The following ADAMTSL3 variants were observed in gnomAD, a reference collection of about 807,000 sequenced individuals.
ADAMTSL3 encodes the protein ADAMTS like 3.
A neutral mutation model predicts 201.7 loss-of-function variants in ADAMTSL3; 128 were observed. That is an observed-to-expected ratio of 0.63 (90% CI 0.55 to 0.73). ADAMTSL3 has a LOEUF of 0.73. Ranked by LOEUF, ADAMTSL3 falls within the 30% of genes least tolerant of loss-of-function variation. The pLI is 0.00. For missense variants in ADAMTSL3, 1,990 were observed against 2,119.6 expected, an observed-to-expected ratio of 0.94 and a Z score of 1.20; for synonymous variants, 738 against 748.4, an observed-to-expected ratio of 0.99 and a Z score of 0.23.
rs546765322 is a variant in ADAMTSL3, at chr15:83,965,855, A to T, written c.2491-4629A>T. Among the ~76,000 whole-genome samples, 8 of 152,356 alleles carry T rather than the reference A, an allele frequency of 5.3e-5. No individual in the cohort carries two copies. In the East Asian group the frequency reaches 1.5e-3, roughly 29 times the overall value. On this transcript the variant is annotated intron_variant, in intron 19 of 29. Coordinates refer to ENST00000286744, the MANE Select transcript of ADAMTSL3 (RefSeq NM_207517.3). Reference sequence around the variant, plus strand: ...AGTCTCTCAGACCACAGTGCAGTCAAATTAGAACTCACGATTAAGACACTC... The same window carrying T: ...AGTCTCTCAGACCACAGTGCAGTCATATTAGAACTCACGATTAAGACACTC...
At chr15:83,714,791 T>TTCTTTCTTTCTTTCTTTCTC (rs1555433213) in intron 3 of ADAMTSL3, among the ~76,000 whole-genome samples, 2 of 78,794 alleles carry the variant, frequency 2.5e-5, no homozygotes, top group African/African-American at 1.0e-4. Flanking sequence ...TTCTTTTTCT[T>TTCTTTCTTTCTTTCTTTCTC]TCTCTCTCTT....
intron 6 of ADAMTSL3, among the ~76,000 whole-genome samples, chr15:83,825,851 T>C (rs935582668): frequency 1.3e-5 from 2 of 151,956 alleles, no homozygotes; most frequent in African/African-American, 4.8e-5. Flanking sequence ...CATGGAATAG[T>C]GCTAGGAGAT....
At chr15:83,786,895 G>A (rs1312286390) in intron 4 of ADAMTSL3, among the ~76,000 whole-genome samples, 1 of 152,078 alleles carries the variant, frequency 6.6e-6, no homozygotes, top group Admixed American at 6.5e-5. Context: ...TGGCAAATTA[G>A]GACCTGTTTT....
At chr15:84,030,749 G>A (rs1475694142) in intron 27 of ADAMTSL3, among the ~76,000 whole-genome samples, 2 of 152,124 alleles carry the variant, frequency 1.3e-5, no homozygotes, top group Non-Finnish European at 2.9e-5. Context: ...ATATGGTTAG[G>A]CTTTTTGTCC....
intron 2 of ADAMTSL3, among the ~76,000 whole-genome samples, chr15:83,668,300 C>CTT (rs34123860): frequency 2.6e-5 from 4 of 151,386 alleles, no homozygotes; most frequent in South Asian, 4.2e-4. Context: ...TTTTCTCACT[C>CTT]TTTTTTTTCA....
chr15:83,784,216 T>A (rs749177562), intron 4 of ADAMTSL3, among the ~76,000 whole-genome samples: 2 of 152,162 alleles, frequency 1.3e-5, no homozygotes, highest in South Asian at 4.1e-4. Flanking sequence ...GGGACCCTCA[T>A]TGAGTGAGAC....
At chr15:83,696,343 G>A (rs544832599) in intron 2 of ADAMTSL3, among the ~76,000 whole-genome samples, 3 of 152,324 alleles carry the variant, frequency 2.0e-5, no homozygotes, top group South Asian at 4.1e-4. Context: ...GCTTCCCTAA[G>A]TGCTGGGATT....
intron 21 of ADAMTSL3, among the ~76,000 whole-genome samples, chr15:83,988,197 ACTT>A (rs2067516097): frequency 6.6e-6 from 1 of 152,140 alleles, no homozygotes; most frequent in Non-Finnish European, 1.5e-5. Flanking sequence ...ACCTCAATCG[ACTT>A]CTTCATACAG....
chr15:83,802,354 C>G (rs1731052515), intron 4 of ADAMTSL3, among the ~76,000 whole-genome samples: 1 of 152,052 alleles, frequency 6.6e-6, no homozygotes, highest in African/African-American at 2.4e-5. Flanking sequence ...AATCCCACTT[C>G]TAGGTATTTA....
At chr15:83,851,517 G>A (rs2064612855) in intron 7 of ADAMTSL3, among the ~76,000 whole-genome samples, 1 of 152,148 alleles carries the variant, frequency 6.6e-6, no homozygotes, top group Non-Finnish European at 1.5e-5. Flanking sequence ...TTTTGCAAGA[G>A]AGCCCAACCA....
At chr15:83,857,078 G>T (rs76561877) in intron 7 of ADAMTSL3, among the ~76,000 whole-genome samples, 2 of 152,022 alleles carry the variant, frequency 1.3e-5, no homozygotes, top group Non-Finnish European at 2.9e-5. Context: ...AATAATTATT[G>T]ATACTGAGCA....
chr15:83,660,255 A>G (rs1219673358), intron 2 of ADAMTSL3, among the ~76,000 whole-genome samples: 1 of 152,154 alleles, frequency 6.6e-6, no homozygotes, highest in Admixed American at 6.5e-5. Context: ...TTCTACAGCA[A>G]TCTCACACTC....
chr15:84,030,646 A>G (rs2068390599), intron 27 of ADAMTSL3, among the ~76,000 whole-genome samples: 1 of 152,182 alleles, frequency 6.6e-6, no homozygotes, highest in South Asian at 2.1e-4. Flanking sequence ...TAATGCTGGA[A>G]TGAATTAAGA....
In ADAMTSL3 at chr15:83,982,553, C is replaced by T. The variant is rs746562941; in HGVS notation, c.2925C>T (p.Pro975=). The T allele has an allele frequency of 1.5e-5, 24 of 1,614,176 alleles. No individual in the cohort carries two copies. Among genetic ancestry groups the T allele is most frequent in the Non-Finnish European group, 1.8e-5 (21 of 1,180,034 alleles). ...GSLKIHGLAA[P]DIGVYRCIAG... ...TAAAAATCCATGGTCTTGCTGCCCC[C>T]GACATCGGCGTGTACCGGTGCATTG... The change falls in exon 21 of 30, where the codon CCC becomes CCT. Residue 975 remains proline, a synonymous_variant. Coordinates refer to ENST00000286744, the MANE Select transcript of ADAMTSL3 (RefSeq NM_207517.3).
chr15:83,868,571 C>T (rs545532251), intron 8 of ADAMTSL3, among the ~76,000 whole-genome samples: 6 of 152,296 alleles, frequency 3.9e-5, no homozygotes, highest in Non-Finnish European at 5.9e-5. Context: ...ACCAGTCTTT[C>T]TTCACCCACC....
At chr15:83,913,004 C>T in intron 15 of ADAMTSL3, 88 bp from the exon 16 acceptor site, 3 of 1,414,940 alleles carry the variant, frequency 2.1e-6, no homozygotes, top group Non-Finnish European at 2.9e-6. Context: ...GTTATTTTTG[C>T]CTTCGTTGAA....
intron 3 of ADAMTSL3, among the ~76,000 whole-genome samples, chr15:83,766,285 C>T (rs1220368401): frequency 6.6e-6 from 1 of 152,156 alleles, no homozygotes; most frequent in Non-Finnish European, 1.5e-5. Context: ...GGGCCAGATC[C>T]ACATTGTATT....
chr15:83,932,562 A>G (rs931255975), intron 17 of ADAMTSL3, among the ~76,000 whole-genome samples: 2 of 152,234 alleles, frequency 1.3e-5, no homozygotes, highest in South Asian at 2.1e-4. Context: ...GAGAGATTGC[A>G]AGGAGAACTA....
At chr15:83,810,179 C>T (rs1204886575) in intron 5 of ADAMTSL3, among the ~76,000 whole-genome samples, 1 of 152,176 alleles carries the variant, frequency 6.6e-6, no homozygotes, top group African/African-American at 2.4e-5. Flanking sequence ...TTTTATCAAC[C>T]GAGTCCTCAG....
Sources: allele counts gnomAD v4.1 joint callset (sites outside exome capture counted in the v4.1 genomes callset), GRCh38; gene constraint gnomAD v4.1.1; transcripts MANE v1.5; gene names NCBI Gene and HGNC (gene_info 2026-07-23, HGNC 2026-07-21).